Variants in HEMK2 observed in about 807,000 individuals in gnomAD.
The protein encoded by HEMK2 is methyltransferase HEMK2.
the HEMK2 span, among the ~76,000 whole-genome samples, chr21:28,862,088 C>A: frequency 2.9e-3 from 444 of 152,210 alleles, 1 homozygote; most frequent in African/African-American, 0.01. Context: ...CCTGGACTTT[C>A]AAGATGAAAT....
At chr21:28,655,084 A>G in the HEMK2 span, among the ~76,000 whole-genome samples, 5 of 152,096 alleles carry the variant, frequency 3.3e-5, no homozygotes, top group African/African-American at 1.2e-4. Flanking sequence ...GATGGGTATT[A>G]TAGAAAAAAT....
the HEMK2 span, chr21:28,882,340 C>T: frequency 1.0e-6 from 1 of 957,236 alleles, no homozygotes; most frequent in Non-Finnish European, 1.6e-6. Flanking sequence ...ATTAATTCTA[C>T]ACAGAACAGA....
the HEMK2 span, among the ~76,000 whole-genome samples, chr21:28,734,263 G>GAGACAC: frequency 6.6e-6 from 1 of 152,136 alleles, no homozygotes; most frequent in Admixed American, 6.5e-5. Flanking sequence ...ACTCCACACA[G>GAGACAC]AGACACACTG....
the HEMK2 span, among the ~76,000 whole-genome samples, chr21:28,665,334 C>CTTTT: frequency 1.1e-4 from 4 of 36,690 alleles, no homozygotes; most frequent in African/African-American, 3.8e-4. Context: ...ATTTATATTT[C>CTTTT]TTTTTTTTTT....
the HEMK2 span, among the ~76,000 whole-genome samples, chr21:28,852,868 A>T: frequency 6.6e-6 from 1 of 152,142 alleles, no homozygotes; most frequent in Non-Finnish European, 1.5e-5. Flanking sequence ...AGCTCAACAT[A>T]AGTCACACTA....
At chr21:28,807,697 A>G in the HEMK2 span, among the ~76,000 whole-genome samples, 1 of 152,176 alleles carries the variant, frequency 6.6e-6, no homozygotes, top group African/African-American at 2.4e-5. Context: ...ATCAGCCTCC[A>G]AATTTTTCAA....
At chr21:28,737,416 C>A in the HEMK2 span, among the ~76,000 whole-genome samples, 1 of 152,140 alleles carries the variant, frequency 6.6e-6, no homozygotes, top group East Asian at 1.9e-4. Flanking sequence ...TGAGCCACCA[C>A]GCCCAATCCC....
At chr21:28,594,261 C>T in the HEMK2 span, among the ~76,000 whole-genome samples, 1,489 of 152,058 alleles carry the variant, frequency 9.8e-3, 16 homozygotes, top group Non-Finnish European at 0.014. Flanking sequence ...CAAAACTTAA[C>T]GTGATATCAT....
chr21:28,677,961 A>C, the HEMK2 span, among the ~76,000 whole-genome samples: 1 of 152,224 alleles, frequency 6.6e-6, no homozygotes, highest in Non-Finnish European at 1.5e-5. Flanking sequence ...ACAGCAGAAA[A>C]ACTGGAAACT....
the HEMK2 span, among the ~76,000 whole-genome samples, chr21:28,741,872 T>A: frequency 6.6e-6 from 1 of 152,206 alleles, no homozygotes; most frequent in South Asian, 2.1e-4. Flanking sequence ...CATGTGTGCC[T>A]GTGTCTGTAT....
the HEMK2 span, among the ~76,000 whole-genome samples, chr21:28,827,055 G>C: frequency 1.3e-5 from 2 of 152,108 alleles, no homozygotes; most frequent in Non-Finnish European, 2.9e-5. Flanking sequence ...AGAAGAAACA[G>C]GAATTTGCCC....
chr21:28,830,525 A>G, the HEMK2 span, among the ~76,000 whole-genome samples: 2 of 152,194 alleles, frequency 1.3e-5, no homozygotes, highest in Non-Finnish European at 2.9e-5. Flanking sequence ...GTAGTTCTTT[A>G]TAGCAGTGTG....
At chr21:28,696,950 G>A in the HEMK2 span, among the ~76,000 whole-genome samples, 18 of 152,176 alleles carry the variant, frequency 1.2e-4, no homozygotes, top group South Asian at 1.9e-3. Flanking sequence ...GCTGGGACAC[G>A]GGGCACCATG....
the HEMK2 span, among the ~76,000 whole-genome samples, chr21:28,604,220 A>C: frequency 1.3e-5 from 2 of 152,100 alleles, no homozygotes; most frequent in Non-Finnish European, 2.9e-5. Flanking sequence ...CCTTTAAAAG[A>C]GGGCCTTTAA....
At chr21:28,651,750 G>A in the HEMK2 span, among the ~76,000 whole-genome samples, 1 of 152,160 alleles carries the variant, frequency 6.6e-6, no homozygotes, top group Non-Finnish European at 1.5e-5. Context: ...TGTCATTACA[G>A]AGAAATAGAA....
At chr21:28,869,484 G>C in the HEMK2 span, among the ~76,000 whole-genome samples, 1 of 152,092 alleles carries the variant, frequency 6.6e-6, no homozygotes, top group East Asian at 1.9e-4. Flanking sequence ...TTATTTAGGG[G>C]AAAGAATTAT....
the HEMK2 span, among the ~76,000 whole-genome samples, chr21:28,616,861 G>A: frequency 2.2e-4 from 33 of 152,176 alleles, no homozygotes; most frequent in Non-Finnish European, 4.7e-4. Context: ...ATCGTGGCAG[G>A]CAATCAAATA....
chr21:28,757,716 G>T, the HEMK2 span, among the ~76,000 whole-genome samples: 1 of 152,136 alleles, frequency 6.6e-6, no homozygotes, highest in Non-Finnish European at 1.5e-5. Context: ...GAATTGAGTT[G>T]GTCAGGACAA....
chr21:28,746,999 G>A, the HEMK2 span, among the ~76,000 whole-genome samples: 2 of 152,208 alleles, frequency 1.3e-5, no homozygotes, highest in South Asian at 2.1e-4. Context: ...TGCAGAGAAC[G>A]TAGAAGCAAG....
Sources: allele counts gnomAD v4.1 joint callset (sites outside exome capture counted in the v4.1 genomes callset), GRCh38; gene constraint gnomAD v4.1.1; transcripts MANE v1.5; gene names NCBI Gene and HGNC (gene_info 2026-07-23, HGNC 2026-07-21).